Variants in RGS6 observed in about 807,000 individuals in gnomAD.
RGS6 encodes the protein regulator of G protein signaling 6.
In RGS6, 30 loss-of-function variants were observed where a neutral mutation model predicts 78.5. That is an observed-to-expected ratio of 0.38 (90% CI 0.29 to 0.52). The LOEUF is 0.52. Among genes scored for constraint, RGS6 ranks in the 20% least tolerant of loss-of-function variants. The pLI is 0.85. For missense variants in RGS6, 495 were observed against 609.7 expected (o/e 0.81, Z 1.98); for synonymous variants, 206 against 206.0 (o/e 1.00, Z 0.00).
chr14:72,341,089 A>C (rs1444235748), intron 2 of RGS6, among the ~76,000 whole-genome samples: 1 of 152,190 alleles, frequency 6.6e-6, no homozygotes, highest in Non-Finnish European at 1.5e-5. Flanking sequence ...TACTATAAAG[A>C]CATAGCTGGG....
At chr14:71,927,680 C>T (rs1042671900), upstream of RGS6, among the ~76,000 whole-genome samples, 28 of 148,050 alleles carry the variant, frequency 1.9e-4, no homozygotes, top group Non-Finnish European at 3.1e-4. Context: ...TTTTTTGAGA[C>T]GGAGTTTCGC....
At position 72,394,136 on chromosome 14, in the gene RGS6, T is replaced by A. The variant is rs376785574; in HGVS notation, c.184+41942T>A. ...TAATTCAACATGAGTCCTTTTCTAT[T>A]TTCCGTAAGCGTCGGCCGGTCTGAG... is the stretch of plus-strand genomic sequence containing the variant. On this transcript the variant is annotated intron_variant, in intron 3 of 17. Coordinates refer to ENST00000553525, the MANE Select transcript of RGS6 (RefSeq NM_001204424.2). Among the ~76,000 whole-genome samples the A allele has an allele frequency of 6.6e-5, 10 of 152,266 alleles. No homozygotes were observed. The East Asian group carries it at 1.5e-3, about 24-fold the overall frequency.
At chr14:72,540,544 G>C in intron 17 of RGS6, 1 of 1,571,820 alleles carries the variant, frequency 6.4e-7, no homozygotes. Context: ...AGTCACGCCG[G>C]TGTGGGTCGC....
intron 17 of RGS6, among the ~76,000 whole-genome samples, chr14:72,545,801 G>A (rs58380357): frequency 1.1e-3 from 163 of 152,252 alleles, no homozygotes; most frequent in African/African-American, 3.9e-3. Context: ...ACTCGTCCAC[G>A]GTGAGTCGCC....
At chr14:72,365,069 G>C (rs568204233) in intron 3 of RGS6, among the ~76,000 whole-genome samples, 1 of 152,296 alleles carries the variant, frequency 6.6e-6, no homozygotes, top group South Asian at 2.1e-4. Context: ...AGAAGCAACT[G>C]TTAATGACCT....
intron 2 of RGS6, among the ~76,000 whole-genome samples, chr14:72,236,154 C>A (rs2050955981): frequency 6.6e-6 from 1 of 152,150 alleles, no homozygotes. Context: ...TTCCAACATT[C>A]TATTAGGATC....
chr14:72,236,916 G>A (rs1179469358), intron 2 of RGS6, among the ~76,000 whole-genome samples: 5 of 152,204 alleles, frequency 3.3e-5, no homozygotes, highest in African/African-American at 9.7e-5. Flanking sequence ...CAGACGGGGC[G>A]GCGGCATTCT....
Position 72,345,639 on chromosome 14 carries a change from C to T in RGS6, c.85-6456C>T, listed in dbSNP as rs562899663. On this transcript the variant is annotated intron_variant, in intron 2 of 17. Transcript: ENST00000553525. ...CTTATCTTAGCTTCAGCCTCCAACA[C>T]AGCCTTAACTGTAAGCCTAGTTCCC... 1.1e-3 allele frequency among the ~76,000 whole-genome samples: 173 copies of T among 152,322 alleles called. 1 individual carries two copies. The highest frequency in any genetic ancestry group is 2.1e-3 in the Non-Finnish European group (142 of 68,028).
chr14:72,348,097 C>A (rs1001856739), intron 2 of RGS6, among the ~76,000 whole-genome samples: 4 of 152,236 alleles, frequency 2.6e-5, no homozygotes, highest in Non-Finnish European at 5.9e-5. Flanking sequence ...GGCTCTGGGC[C>A]ACTCACTGGG....
intron 2 of RGS6, among the ~76,000 whole-genome samples, chr14:72,344,487 T>C (rs1193877596): frequency 6.6e-6 from 1 of 152,190 alleles, no homozygotes; most frequent in Non-Finnish European, 1.5e-5. Flanking sequence ...TAAGTGTAAA[T>C]ACTAAATTTA....
intron 2 of RGS6, among the ~76,000 whole-genome samples, chr14:72,272,554 G>A (rs554751698): frequency 6.1e-4 from 93 of 152,326 alleles, no homozygotes; most frequent in African/African-American, 2.2e-3. Flanking sequence ...TGTGGAAAAT[G>A]CAGTGCCATT....
chr14:72,249,202 C>T (rs2055001188), intron 2 of RGS6, among the ~76,000 whole-genome samples: 1 of 152,136 alleles, frequency 6.6e-6, no homozygotes, highest in Non-Finnish European at 1.5e-5. Flanking sequence ...GCTTAAATAC[C>T]ATCCTTTGCT....
chr14:72,576,620 T>A, the RGS6 span, among the ~76,000 whole-genome samples: 2 of 152,266 alleles, frequency 1.3e-5, no homozygotes, highest in Admixed American at 6.5e-5. Context: ...TGTTTTGTGA[T>A]AACAGACATG....
intron 2 of RGS6, among the ~76,000 whole-genome samples, chr14:71,971,747 A>G (rs935639433): frequency 1.3e-5 from 2 of 152,132 alleles, no homozygotes; most frequent in Non-Finnish European, 2.9e-5. Context: ...AGCTGGGGAA[A>G]AGTCTACTCC....
intron 2 of RGS6, among the ~76,000 whole-genome samples, chr14:72,194,424 G>A (rs560339726): frequency 2.1e-4 from 32 of 150,132 alleles, no homozygotes; most frequent in African/African-American, 6.4e-4. Context: ...AGGCTGGAGT[G>A]CACTAATGCA....
intron 2 of RGS6, among the ~76,000 whole-genome samples, chr14:72,243,910 G>T (rs1348844107): frequency 6.6e-6 from 1 of 152,174 alleles, no homozygotes; most frequent in African/African-American, 2.4e-5. Flanking sequence ...GGAGATCATG[G>T]ACCAGAAATG....
At position 72,436,566 on chromosome 14, in the gene RGS6, C is replaced by T. The variant is rs550025924; in HGVS notation, c.185-17962C>T. On this transcript the variant is annotated intron_variant, in intron 3 of 17. Coordinates refer to ENST00000553525, the MANE Select transcript of RGS6 (RefSeq NM_001204424.2). ...AGCTTTGATCATGGTCTACATCTTA[C>T]TCCCCGGAGAATCAGGTGGGCAGAA... Among the ~76,000 whole-genome samples, 95 of 152,300 alleles carry T rather than the reference C, an allele frequency of 6.2e-4. No homozygotes were observed. The South Asian group carries it at 0.012, about 19-fold the overall frequency.
chr14:71,889,572 C>T, the RGS6 span, among the ~76,000 whole-genome samples: 2 of 152,070 alleles, frequency 1.3e-5, no homozygotes, highest in Non-Finnish European at 2.9e-5. Flanking sequence ...GTGGGTCACA[C>T]CAACTGCTTC....
intron 7 of RGS6, 108 bp downstream of exon 7, chr14:72,465,930 A>ACTGTCTGAAAGG: frequency 1.3e-6 from 1 of 786,656 alleles, no homozygotes; most frequent in Non-Finnish European, 2.1e-6. Flanking sequence ...TGTCCCTTTC[A>ACTGTCTGAAAGG]GACAGTGGAA....
Sources: allele counts gnomAD v4.1 joint callset (sites outside exome capture counted in the v4.1 genomes callset), GRCh38; gene constraint gnomAD v4.1.1; transcripts MANE v1.5; gene names NCBI Gene and HGNC (gene_info 2026-07-23, HGNC 2026-07-21).